Variants in SHANK2 observed in about 807,000 individuals in gnomAD.
SHANK2 encodes SH3 and multiple ankyrin repeat domains protein 2.
In SHANK2, 43 loss-of-function variants were observed where a neutral mutation model predicts 133.7. The observed-to-expected ratio is 0.32, with a 90% CI of 0.25 to 0.41. SHANK2 has a LOEUF of 0.41. SHANK2 is among the 10% of genes least tolerant of loss of function. SHANK2 has a pLI of 1.00. For synonymous variants in SHANK2, 1,017 were observed against 952.8 expected, an observed-to-expected ratio of 1.07 and a Z score of -1.24; for missense variants, 1,994 against 2,235.8, an observed-to-expected ratio of 0.89 and a Z score of 2.18.
At chr11:71,081,220 C>T (rs1388832139) in intron 8 of SHANK2, among the ~76,000 whole-genome samples, 3 of 152,138 alleles carry the variant, frequency 2.0e-5, no homozygotes, top group Admixed American at 6.5e-5. Flanking sequence ...TCAGGAGGAA[C>T]CAGCCCTGCG....
chr11:71,226,911 A>ATCT (rs1555122332), intron 1 of SHANK2, among the ~76,000 whole-genome samples: 1 of 152,172 alleles, frequency 6.6e-6, no homozygotes, highest in African/African-American at 2.4e-5. Flanking sequence ...TTGAAGCAAA[A>ATCT]ATTACAACAT....
In SHANK2 at chr11:71,231,226, T is replaced by TA. The variant is rs113477163; in HGVS notation, c.-112-6431dup. 8.4e-4 allele frequency among the ~76,000 whole-genome samples: 128 copies of TA among 152,182 alleles called. 3 individuals carry two copies. The East Asian group carries it at 0.023, about 28-fold the overall frequency. On this transcript the variant is annotated intron_variant, in intron 1 of 25. Coordinates refer to ENST00000601538, the MANE Select transcript of SHANK2 (RefSeq NM_012309.5). ...TAAAGAACTCTCAAAGCTCAACAGT[T>TA]AAAAAAATGACAATCCACTTAAAAG...
At chr11:70,955,422 G>T (rs1003567038) in intron 10 of SHANK2, among the ~76,000 whole-genome samples, 4 of 146,458 alleles carry the variant, frequency 2.7e-5, no homozygotes, top group African/African-American at 1.0e-4. Context: ...AGACCCACGG[G>T]GTGTGTGTGT....
intron 14 of SHANK2, among the ~76,000 whole-genome samples, chr11:70,731,069 G>T (rs139766487): frequency 4.6e-5 from 7 of 152,222 alleles, no homozygotes; most frequent in Non-Finnish European, 1.0e-4. Context: ...CGCCTAATTT[G>T]ACTGTATTTG....
In SHANK2 at chr11:70,829,583, C is replaced by G. The variant is rs191151169; in HGVS notation, c.1175-8901G>C. Among the ~76,000 whole-genome samples the G allele has an allele frequency of 7.8e-3, 1,186 of 152,256 alleles. 17 individuals carry two copies. The highest frequency in any genetic ancestry group is 0.027 in the African/African-American group (1,107 of 41,556). ...AAGACAGCCAGCCAGATCTGAAGAC[C>G]CAGGCCTGCTTCTCAGCCTGTGCAG... On this transcript the variant is annotated intron_variant, in intron 11 of 25. Coordinates refer to ENST00000601538, the MANE Select transcript of SHANK2 (RefSeq NM_012309.5).
chr11:70,684,057 G>T (rs1555018964), intron 15 of SHANK2, among the ~76,000 whole-genome samples: 2 of 152,136 alleles, frequency 1.3e-5, no homozygotes, highest in Non-Finnish European at 2.9e-5. Flanking sequence ...GTGCTGAGAT[G>T]ACAGGCGTGA....
At chr11:70,862,438 G>A (rs1025822657) in intron 11 of SHANK2, among the ~76,000 whole-genome samples, 4 of 152,220 alleles carry the variant, frequency 2.6e-5, no homozygotes, top group Non-Finnish European at 4.4e-5. Context: ...CAATGGAAAT[G>A]GAAAGAAGTG....
Position 71,175,539 on chromosome 11 carries a change from GGAGAGGGAGAGGGA to G in SHANK2, c.-12-28215_-12-28202del, listed in dbSNP as rs1339483113. ...GAAACAGACAGACAGACAGACAGAGGGAGAGGGAGAGGGAGAGAGAGAGAGAGAGAGAGAGAGAG... is the reference window on the plus strand; with the variant it reads ...GAAACAGACAGACAGACAGACAGAGGGAGAGAGAGAGAGAGAGAGAGAGAG... On this transcript the variant is annotated intron_variant, in intron 2 of 25. Coordinates refer to ENST00000601538, the MANE Select transcript of SHANK2 (RefSeq NM_012309.5). The surrounding 1 kb of genome is among the most constrained non-coding windows in gnomAD (Gnocchi z 4.2). Among the ~76,000 whole-genome samples the G allele has an allele frequency of 1.3e-3, 102 of 79,676 alleles. No homozygotes were observed. The highest frequency in any genetic ancestry group is 5.4e-3 in the African/African-American group (99 of 18,418). The allele number at this position is 79,676 out of a possible 152,430, so 52.3% of individuals were successfully genotyped here. A position where few individuals can be genotyped will look rare whatever the true frequency, so the allele number is the denominator to read the frequency against.
At chr11:71,079,448 G>A (rs1396403660) in intron 8 of SHANK2, among the ~76,000 whole-genome samples, 3 of 152,160 alleles carry the variant, frequency 2.0e-5, no homozygotes, top group Non-Finnish European at 4.4e-5. Context: ...AATGGAAACA[G>A]TAATTTACAA....
At chr11:71,208,540 G>C (rs1301322571) in intron 2 of SHANK2, among the ~76,000 whole-genome samples, 4 of 151,806 alleles carry the variant, frequency 2.6e-5, no homozygotes, top group African/African-American at 9.7e-5. Flanking sequence ...CCGAGTCCTA[G>C]GCAGGTGCTG....
intron 10 of SHANK2, among the ~76,000 whole-genome samples, chr11:70,907,196 T>C (rs1213209500): frequency 6.6e-6 from 1 of 152,208 alleles, no homozygotes; most frequent in Non-Finnish European, 1.5e-5. Flanking sequence ...CCTCCCAGGT[T>C]AGAGGAAGAC....
intron 14 of SHANK2, among the ~76,000 whole-genome samples, chr11:70,711,691 C>G (rs1365504548): frequency 6.6e-6 from 1 of 152,194 alleles, no homozygotes; most frequent in Non-Finnish European, 1.5e-5. Flanking sequence ...GGGCGGGGAC[C>G]CTGGCTCTCA....
intron 2 of SHANK2, among the ~76,000 whole-genome samples, chr11:71,209,279 T>C (rs1474173602): frequency 2.0e-5 from 3 of 152,176 alleles, no homozygotes; most frequent in African/African-American, 7.2e-5. Context: ...GTCATGATTG[T>C]TCTCATCAAG....
intron 17 of SHANK2, among the ~76,000 whole-genome samples, chr11:70,538,971 C>T (rs1372663373): frequency 1.3e-5 from 2 of 152,224 alleles, no homozygotes; most frequent in East Asian, 1.9e-4. Context: ...GTTACCCCGT[C>T]GGCCGCCACA....
At chr11:70,781,664 C>T (rs1374042193) in intron 14 of SHANK2, among the ~76,000 whole-genome samples, 17 of 144,178 alleles carry the variant, frequency 1.2e-4, no homozygotes, top group African/African-American at 4.3e-4. Flanking sequence ...ATACATGTGC[C>T]ATGTTGGTGT....
chr11:70,597,511 G>C (rs1003082026), intron 17 of SHANK2, among the ~76,000 whole-genome samples: 12 of 152,012 alleles, frequency 7.9e-5, no homozygotes, highest in African/African-American at 2.9e-4. Flanking sequence ...AGAGGGTAGA[G>C]AGGATAAGAG....
rs150706123 is a variant in SHANK2, at chr11:70,490,508, C to T, written c.2440-121G>A. 3.5e-3 allele frequency: 2,847 copies of T among 822,618 alleles called. 34 individuals carry two copies. The highest frequency in any genetic ancestry group is 0.018 in the Admixed American group (928 of 52,664). The allele number at this position is 822,618 out of a possible 1,614,324, so 51.0% of individuals were successfully genotyped here. On this transcript the variant is annotated intron_variant, in intron 22 of 25. Coordinates refer to ENST00000601538, the MANE Select transcript of SHANK2 (RefSeq NM_012309.5). ...GGCTTCCCCAAGCTGCTTCTGGAGC[C>T]ACCTAAAGTCTCCAGTGGGGCTGAT...
chr11:70,756,793 C>G (rs1565295620), intron 14 of SHANK2, among the ~76,000 whole-genome samples: 1 of 152,220 alleles, frequency 6.6e-6, no homozygotes, highest in Non-Finnish European at 1.5e-5. Context: ...GCTTTGTAAG[C>G]TGCTTTGTCT....
At position 70,546,731 on chromosome 11, in the gene SHANK2, C is replaced by G. The variant is rs1554976495; in HGVS notation, c.2062-43800G>C. Among the ~76,000 whole-genome samples, 5 of 152,190 alleles carry G rather than the reference C, an allele frequency of 3.3e-5. No individual in the cohort carries two copies. The South Asian group carries it at 1.0e-3, about 32-fold the overall frequency. ...TTGGCAGATGCTGGGCTGCCCCAGT[C>G]CCCTCCCTGGGAACAAGGGGGAACA... is the stretch of plus-strand genomic sequence containing the variant. On this transcript the variant is annotated intron_variant, in intron 17 of 25. Transcript: ENST00000601538.
Sources: allele counts gnomAD v4.1 joint callset (sites outside exome capture counted in the v4.1 genomes callset), GRCh38; gene constraint gnomAD v4.1.1; non-coding constraint Gnocchi (gnomAD v3.1); transcripts MANE v1.5; gene names NCBI Gene and HGNC (gene_info 2026-07-23, HGNC 2026-07-21).